Variants in CPA6 observed in about 807,000 individuals in gnomAD.
The protein encoded by CPA6 is carboxypeptidase B.
In CPA6, 58 loss-of-function variants were observed where a neutral mutation model predicts 63.3. The ratio of observed to expected loss-of-function variants is 0.92; its 90% confidence interval spans 0.74 to 1.14. The LOEUF (loss-of-function observed/expected upper bound fraction) is 1.14, where lower values mean the gene tolerates loss of function less well. Among genes scored for constraint, CPA6 ranks in the 50% most tolerant of loss-of-function variants. CPA6 has a pLI of 0.00. For missense variants in CPA6, 565 were observed against 526.6 expected (o/e 1.07, Z -0.71); for synonymous variants, 185 against 179.0 (o/e 1.03, Z -0.27).
chr8:67,501,206 A>T (rs1177333711), intron 6 of CPA6, among the ~76,000 whole-genome samples: 1 of 152,066 alleles, frequency 6.6e-6, no homozygotes, highest in Non-Finnish European at 1.5e-5. Context: ...TGAATGTGGT[A>T]TGTCTCTCCA....
intron 1 of CPA6, among the ~76,000 whole-genome samples, chr8:67,682,880 T>C (rs1816626418): frequency 6.6e-6 from 1 of 152,240 alleles, no homozygotes; most frequent in Admixed American, 6.5e-5. Flanking sequence ...CCTTCTAGCC[T>C]TTTTGGTGAT....
At chr8:67,552,031 T>C (rs769573669) in intron 2 of CPA6, among the ~76,000 whole-genome samples, 7 of 152,244 alleles carry the variant, frequency 4.6e-5, no homozygotes, top group Non-Finnish European at 1.0e-4. Context: ...TTCTCCTTTT[T>C]ATCTCAATAC....
At chr8:67,720,487 A>G (rs1214273595) in intron 1 of CPA6, among the ~76,000 whole-genome samples, 3 of 152,164 alleles carry the variant, frequency 2.0e-5, no homozygotes, top group Non-Finnish European at 4.4e-5. Context: ...GAAAATGACC[A>G]ATGTCTCTGA....
chr8:67,434,182 A>C lies in CPA6; in HGVS notation c.897T>G (p.Ser299=). The C allele has an allele frequency of 6.2e-7, 1 of 1,614,202 alleles. No homozygotes were observed. The highest frequency in any genetic ancestry group is 2.2e-5 in the East Asian group (1 of 44,876). ...DDTYCGPFPE[S]EPEVKAVANF... ...TAGCTACAGCCTTCACTTCCGGCTC[A>C]GATTCTGGAAAAGGGCCACAGTATG... is the stretch of plus-strand genomic sequence containing the variant. Residue 299 remains serine, a synonymous_variant, in exon 9 of 11, where the codon TCT becomes TCG. Transcript: ENST00000297770.
intron 1 of CPA6, among the ~76,000 whole-genome samples, chr8:67,636,274 A>G (rs1815467939): frequency 6.6e-6 from 1 of 151,568 alleles, no homozygotes; most frequent in South Asian, 2.1e-4. Flanking sequence ...GTAGAGAGAC[A>G]AAATGAATCT....
chr8:67,494,074 AG>A (rs1321334628), intron 6 of CPA6, among the ~76,000 whole-genome samples: 1 of 152,352 alleles, frequency 6.6e-6, no homozygotes, highest in East Asian at 1.9e-4. Context: ...TGGGAAATTC[AG>A]AAAAGCATAA....
At chr8:67,578,102 T>C (rs1481902892) in intron 2 of CPA6, among the ~76,000 whole-genome samples, 1 of 152,198 alleles carries the variant, frequency 6.6e-6, no homozygotes, top group Non-Finnish European at 1.5e-5. Flanking sequence ...AAAAATTTTT[T>C]AGTTTGAAGG....
intron 2 of CPA6, among the ~76,000 whole-genome samples, chr8:67,560,697 G>C (rs1347229272): frequency 6.6e-6 from 1 of 152,046 alleles, no homozygotes; most frequent in East Asian, 1.9e-4. Context: ...TTTTAAACTT[G>C]GGTATTTGCA....
intron 2 of CPA6, among the ~76,000 whole-genome samples, chr8:67,593,469 A>C (rs1441375753): frequency 2.0e-5 from 3 of 152,048 alleles, no homozygotes; most frequent in Non-Finnish European, 2.9e-5. Flanking sequence ...TGATCTGTCT[A>C]ATGTTGACAG....
intron 8 of CPA6, among the ~76,000 whole-genome samples, chr8:67,480,170 A>AG (rs1491200171): frequency 2.0e-5 from 3 of 152,214 alleles, no homozygotes; most frequent in African/African-American, 7.2e-5. Context: ...AGAAACAAAA[A>AG]TATTTTTATA....
intron 9 of CPA6, 124 bp downstream of exon 9, chr8:67,433,914 A>T: frequency 1.5e-6 from 1 of 684,136 alleles, no homozygotes; most frequent in Non-Finnish European, 2.5e-6. Context: ...GAATTAATAC[A>T]TGTAAAATAT....
intron 1 of CPA6, among the ~76,000 whole-genome samples, chr8:67,646,504 T>A (rs116396797): frequency 0.018 from 2,715 of 152,192 alleles, 83 homozygotes; most frequent in African/African-American, 0.06. Context: ...CGAGCAAACC[T>A]CTCTGGAGGT....
At chr8:67,639,988 A>G (rs1006080607) in intron 1 of CPA6, among the ~76,000 whole-genome samples, 6 of 151,336 alleles carry the variant, frequency 4.0e-5, no homozygotes, top group African/African-American at 1.5e-4. Context: ...AGCTCTCAGC[A>G]GAGAGGAGAC....
chr8:67,691,052 T>A (rs1816803591), intron 1 of CPA6, among the ~76,000 whole-genome samples: 1 of 152,250 alleles, frequency 6.6e-6, no homozygotes, highest in Non-Finnish European at 1.5e-5. Context: ...AAAATTACAT[T>A]CTGGTAACTA....
chr8:67,638,555 G>A (rs1815521294), intron 1 of CPA6, among the ~76,000 whole-genome samples: 1 of 151,452 alleles, frequency 6.6e-6, no homozygotes, highest in African/African-American at 2.5e-5. Flanking sequence ...CATTGTCCTG[G>A]CTGCAAAGTG....
At chr8:67,507,313 C>T (rs1409631519) in intron 5 of CPA6, among the ~76,000 whole-genome samples, 1 of 151,996 alleles carries the variant, frequency 6.6e-6, no homozygotes, top group Non-Finnish European at 1.5e-5. Context: ...GCTAAGTCCT[C>T]CCTCATCCCC....
At chr8:67,478,010 T>G (rs1811280309) in intron 8 of CPA6, among the ~76,000 whole-genome samples, 1 of 151,826 alleles carries the variant, frequency 6.6e-6, no homozygotes, top group Non-Finnish European at 1.5e-5. Flanking sequence ...TGGCTGGGGG[T>G]CCCTAGGGAG....
At chr8:67,665,525 A>G (rs1467719438) in intron 1 of CPA6, among the ~76,000 whole-genome samples, 1 of 152,252 alleles carries the variant, frequency 6.6e-6, no homozygotes, top group Non-Finnish European at 1.5e-5. Flanking sequence ...TTCTTTAAAA[A>G]TAAGTAGAAA....
At chr8:67,549,848 G>C (rs955053138) in intron 2 of CPA6, among the ~76,000 whole-genome samples, 1 of 152,126 alleles carries the variant, frequency 6.6e-6, no homozygotes, top group African/African-American at 2.4e-5. Context: ...ATATTCCCTT[G>C]TTCGTATATA....
Sources: allele counts gnomAD v4.1 joint callset (sites outside exome capture counted in the v4.1 genomes callset), GRCh38; gene constraint gnomAD v4.1.1; transcripts MANE v1.5; gene names NCBI Gene and HGNC (gene_info 2026-07-23, HGNC 2026-07-21).